The following BRIP1 variants were observed in gnomAD, a reference collection of about 807,000 sequenced individuals.
The protein encoded by BRIP1 is Fanconi anemia group J protein.
Under a neutral mutation model 119.7 loss-of-function variants are expected in BRIP1, and 88 were observed. The observed-to-expected ratio is 0.74, with a 90% CI of 0.62 to 0.88. The LOEUF (loss-of-function observed/expected upper bound fraction) is 0.88, where lower values mean the gene tolerates loss of function less well. Ranked by LOEUF, BRIP1 falls within the 40% of genes least tolerant of loss-of-function variation. BRIP1 has a pLI of 0.00. For synonymous variants in BRIP1, 443 were observed against 496.5 expected, an observed-to-expected ratio of 0.89 and a Z score of 1.43; for missense variants, 1,259 against 1,455.4, an observed-to-expected ratio of 0.87 and a Z score of 2.20.
Position 61,684,291 on chromosome 17 carries a change from G to T in BRIP1, c.2906-151C>A. The T allele has an allele frequency of 1.1e-6, 1 of 905,016 alleles. No homozygotes were observed. The highest frequency in any genetic ancestry group is 1.6e-6 in the Non-Finnish European group (1 of 616,278). 56.1% of individuals were successfully genotyped at this position (905,016 alleles called of 1,614,324 possible). On this transcript the variant is annotated intron_variant, in intron 19 of 19. Transcript: ENST00000259008. This position sits in a 1 kb window ranked among gnomAD's most constrained non-coding sequence, Gnocchi z 4.5. ...CGAATACTAGTGGATTTTCATCTTGGAACAGAATATTAACTCTGAAAGAAA... is the reference window on the plus strand; with the variant it reads ...CGAATACTAGTGGATTTTCATCTTGTAACAGAATATTAACTCTGAAAGAAA...
At position 61,859,899 on chromosome 17, in the gene BRIP1, T is replaced by C; in HGVS notation, c.102A>G (p.Arg34=). 6.2e-7 allele frequency: 1 copy of C among 1,606,106 alleles called. No individual in the cohort carries two copies. Among genetic ancestry groups the C allele is most frequent in the Non-Finnish European group, 8.5e-7 (1 of 1,172,782 alleles). Residue 34 remains arginine (R), a synonymous_variant, in exon 3 of 20, where the codon AGA becomes AGG. Transcript: ENST00000259008. The stretch of plus-strand genomic sequence containing the variant: ...AACAATGTTGCTTGCTGTTTAATCC[T>C]CTGAGAATCTATGAACACAGAAACC... ...SQLAMMNSIL[R]GLNSKQHCLL...
chr17:61,801,691 A>G (rs2077998234), intron 7 of BRIP1, among the ~76,000 whole-genome samples: 1 of 152,242 alleles, frequency 6.6e-6, no homozygotes, highest in Non-Finnish European at 1.5e-5. Flanking sequence ...ATAGAAGTCC[A>G]AATCGGAAGA....
At position 61,805,508 on chromosome 17, in the gene BRIP1, T is replaced by C. The variant is rs2078061415; in HGVS notation, c.918+2959A>G. ...GTTTCTAGTGTAACCAAAATAGCAATGGATGAGGAATCAGAAAATTTGGGT... is the reference window on the plus strand; with the variant it reads ...GTTTCTAGTGTAACCAAAATAGCAACGGATGAGGAATCAGAAAATTTGGGT... On this transcript the variant is annotated intron_variant, in intron 7 of 19. Coordinates refer to ENST00000259008, the MANE Select transcript of BRIP1 (RefSeq NM_032043.3). This position sits in a 1 kb window ranked among gnomAD's most constrained non-coding sequence, Gnocchi z 5.6. Among the ~76,000 whole-genome samples, 1 of 152,196 alleles carries C rather than the reference T, an allele frequency of 6.6e-6. No homozygotes were observed. The highest frequency in any genetic ancestry group is 1.5e-5 in the Non-Finnish European group (1 of 68,032).
rs2061385040 is a variant in BRIP1 at position 61,687,949 on chromosome 17, C to A, written c.2576-1784G>T. ...CATGAGCTGGCATACCCTACATGCC[C>A]AGGGGCCACTAAGAACAAAAGCGCT... On this transcript the variant is annotated intron_variant, in intron 18 of 19. Transcript: ENST00000259008. This position sits in a 1 kb window ranked among gnomAD's most constrained non-coding sequence, Gnocchi z 5.1. 6.6e-6 allele frequency among the ~76,000 whole-genome samples: 1 copy of A among 152,196 alleles called. No homozygotes were observed. Among genetic ancestry groups the A allele is most frequent in the Non-Finnish European group, 1.5e-5 (1 of 68,038 alleles).
In BRIP1 at chr17:61,686,036, A is replaced by G. The variant is rs1060501781; in HGVS notation, c.2705T>C (p.Ile902Thr). The part of the protein sequence containing the change: ...LNVSIKDRTN[I>T]QDNESTLEVT... The stretch of plus-strand genomic sequence containing the variant: ...TTCAAGTGTAGACTCATTGTCCTGT[A>G]TATTGGTTCTGTCCTTTATGGATAC... Residue 902 changes from isoleucine (I) to threonine (T), a missense_variant, in exon 19 of 20, where the codon ATA becomes ACA. Physicochemically the swap from Ile to Thr is moderately conservative, Grantham distance 89. Around this residue, in one of 3 missense-constraint regions of BRIP1, gnomAD observed 753 missense variants for 891.8 expected, o/e 0.84. Transcript: ENST00000259008. This position sits in a 1 kb window ranked among gnomAD's most constrained non-coding sequence, Gnocchi z 5.4. The G allele has an allele frequency of 1.2e-5, 19 of 1,613,820 alleles. No homozygotes were observed. Among genetic ancestry groups the G allele is most frequent in the Non-Finnish European group, 1.4e-5 (17 of 1,179,926 alleles).
rs2078511260 is a variant in BRIP1 at position 61,832,670 on chromosome 17, TGAA to T, written c.627+14428_627+14430del. ...AAAATCATGACAGTCAAGGAAAGAC[TGAA>T]GAAGTGTTCCAGACTGAAGAAGTTA... On this transcript the variant is annotated intron_variant, in intron 6 of 19. Transcript: ENST00000259008. This position sits in a 1 kb window ranked among gnomAD's most constrained non-coding sequence, Gnocchi z 5.5. Among the ~76,000 whole-genome samples the T allele has an allele frequency of 6.6e-6, 1 of 151,680 alleles. No homozygotes were observed. Among genetic ancestry groups the T allele is most frequent in the Non-Finnish European group, 1.5e-5 (1 of 68,026 alleles).
At chr17:61,715,904 T>A in intron 17 of BRIP1, 47 bp downstream of exon 17, 1 of 1,237,064 alleles carries the variant, frequency 8.1e-7, no homozygotes, top group Non-Finnish European at 1.2e-6. Flanking sequence ...GATTTATATA[T>A]ATAGCCCTGT....
At position 61,726,760 on chromosome 17, in the gene BRIP1, T is replaced by G. The variant is rs2144524038; in HGVS notation, c.2380-10697A>C. 6.6e-6 allele frequency among the ~76,000 whole-genome samples: 1 copy of G among 152,340 alleles called. No individual in the cohort carries two copies. The highest frequency in any genetic ancestry group is 2.1e-4 in the South Asian group (1 of 4,824). The stretch of plus-strand genomic sequence containing the variant: ...TAGCTAACATTAGCACTCTTTAATA[T>G]CCTCCATAATACTTTTTGGTCACTT... On this transcript the variant is annotated intron_variant, in intron 16 of 19. Transcript: ENST00000259008. This position sits in a 1 kb window ranked among gnomAD's most constrained non-coding sequence, Gnocchi z 6.2.
At position 61,851,249 on chromosome 17, in the gene BRIP1, T is replaced by C. The variant is rs1168121441; in HGVS notation, c.380-1993A>G. Among the ~76,000 whole-genome samples, 1 of 151,892 alleles carries C rather than the reference T, an allele frequency of 6.6e-6. No individual in the cohort carries two copies. Among genetic ancestry groups the C allele is most frequent in the Admixed American group, 6.6e-5 (1 of 15,230 alleles). ...TCTCAAAAAAAGAAAAAAAAAGAAA[T>C]GTTGCTTAAAATTTCCAAAATAGGG... On this transcript the variant is annotated intron_variant, in intron 4 of 19. Coordinates refer to ENST00000259008, the MANE Select transcript of BRIP1 (RefSeq NM_032043.3). The surrounding 1 kb of genome is among the most constrained non-coding windows in gnomAD (Gnocchi z 4.6).
Position 61,770,914 on chromosome 17 carries a change from G to T in BRIP1, c.2097+5487C>A, listed in dbSNP as rs1440145927. ...GAAAACAAACAGCAAAGTGGCATTT[G>T]TAAACACTACCTTAGCACTAATTAC... On this transcript the variant is annotated intron_variant, in intron 14 of 19. Transcript: ENST00000259008. The surrounding 1 kb of genome is among the most constrained non-coding windows in gnomAD (Gnocchi z 4.7). 2.0e-5 allele frequency among the ~76,000 whole-genome samples: 3 copies of T among 152,124 alleles called. No individual in the cohort carries two copies. Among genetic ancestry groups the T allele is most frequent in the Non-Finnish European group, 4.4e-5 (3 of 67,994 alleles).
In BRIP1 at chr17:61,752,978, C is replaced by A. The variant is rs1232103725; in HGVS notation, c.2098-8387G>T. Among the ~76,000 whole-genome samples, 1 of 152,108 alleles carries A rather than the reference C, an allele frequency of 6.6e-6. No homozygotes were observed. Among genetic ancestry groups the A allele is most frequent in the African/African-American group, 2.4e-5 (1 of 41,420 alleles). On this transcript the variant is annotated intron_variant, in intron 14 of 19. Transcript: ENST00000259008. The surrounding 1 kb of genome is among the most constrained non-coding windows in gnomAD (Gnocchi z 6.2). ...TGTTGAAATTTAATCTCTAATGTGG[C>A]AGCATTGAGAGGTGGGGGATTTTAA...
rs1409972950 is a variant in BRIP1 at position 61,752,875 on chromosome 17, A to G, written c.2098-8284T>C. On this transcript the variant is annotated intron_variant, in intron 14 of 19. Transcript: ENST00000259008. This position sits in a 1 kb window ranked among gnomAD's most constrained non-coding sequence, Gnocchi z 6.2. Reference sequence around the variant, plus strand: ...ACAGGGAAGGGAGAAAAAGGTTCACAGGTGCTCTGTAGGTATATGATTAGC... The same window carrying G: ...ACAGGGAAGGGAGAAAAAGGTTCACGGGTGCTCTGTAGGTATATGATTAGC... 6.6e-6 allele frequency among the ~76,000 whole-genome samples: 1 copy of G among 152,210 alleles called. No individual in the cohort carries two copies. The highest frequency in any genetic ancestry group is 6.5e-5 in the Admixed American group (1 of 15,268).
rs1036748999 is a variant in BRIP1 at position 61,743,675 on chromosome 17, T to TTTTTA, written c.2258-546_2258-542dup. ...TACTACTATCCCTTCACATCAAACT[T>TTTTTA]TTTTATTTTATTTTATTATTTTTTG... On this transcript the variant is annotated intron_variant, in intron 15 of 19. Transcript: ENST00000259008. The surrounding 1 kb of genome is among the most constrained non-coding windows in gnomAD (Gnocchi z 4.3). 2.6e-5 allele frequency among the ~76,000 whole-genome samples: 4 copies of TTTTTA among 152,096 alleles called. No individual in the cohort carries two copies. The highest frequency in any genetic ancestry group is 6.6e-5 in the Admixed American group (1 of 15,264).
At chr17:61,688,473 C>G (rs1011486603) in intron 18 of BRIP1, among the ~76,000 whole-genome samples, 1 of 151,924 alleles carries the variant, frequency 6.6e-6, no homozygotes, top group Middle Eastern at 3.4e-3. Context: ...AGAGTGAGAC[C>G]TTGACCAAAA....
chr17:61,679,147 A>T lies in BRIP1; in HGVS notation c.*4149T>A, dbSNP rs958202517. On this transcript the variant is annotated 3_prime_UTR_variant, in exon 20 of 20. Transcript: ENST00000259008. The surrounding 1 kb of genome is among the most constrained non-coding windows in gnomAD (Gnocchi z 4.4). ...AGCCCTAAAGAATTAAATATTTTAA[A>T]TGCGTTTTAATATAGGAAAGTAATA... Among the ~76,000 whole-genome samples the T allele has an allele frequency of 2.0e-5, 3 of 152,208 alleles. No individual in the cohort carries two copies. The highest frequency in any genetic ancestry group is 4.4e-5 in the Non-Finnish European group (3 of 68,010).
chr17:61,740,710 T>G lies in BRIP1; in HGVS notation c.2379+2303A>C, dbSNP rs1026992918. ...TTACACTATACTGCAGTCTATTAAG[T>G]GGGCAACAGCATTATGTCTCAAAAG... On this transcript the variant is annotated intron_variant, in intron 16 of 19. Transcript: ENST00000259008. The surrounding 1 kb of genome is among the most constrained non-coding windows in gnomAD (Gnocchi z 5.4). 1.3e-5 allele frequency among the ~76,000 whole-genome samples: 2 copies of G among 152,216 alleles called. No individual in the cohort carries two copies. Among genetic ancestry groups the G allele is most frequent in the Non-Finnish European group, 2.9e-5 (2 of 68,036 alleles).
At position 61,683,171 on chromosome 17, in the gene BRIP1, A is replaced by G; in HGVS notation, c.*125T>C. 1 of 1,178,204 alleles carries G rather than the reference A, an allele frequency of 8.5e-7. No individual in the cohort carries two copies. Among genetic ancestry groups the G allele is most frequent in the Non-Finnish European group, 1.2e-6 (1 of 834,290 alleles). The allele number at this position is 1,178,204 out of a possible 1,614,324, so 73.0% of individuals were successfully genotyped here. On this transcript the variant is annotated 3_prime_UTR_variant, in exon 20 of 20. Coordinates refer to ENST00000259008, the MANE Select transcript of BRIP1 (RefSeq NM_032043.3). This position sits in a 1 kb window ranked among gnomAD's most constrained non-coding sequence, Gnocchi z 4.7. Reference sequence around the variant, plus strand: ...AAAACTCAAGAATAATAACATTTACATTTCTGAACATAAAATAGTTTTTTA... The same window carrying G: ...AAAACTCAAGAATAATAACATTTACGTTTCTGAACATAAAATAGTTTTTTA...
chr17:61,698,913 C>T (rs553075920), intron 17 of BRIP1, among the ~76,000 whole-genome samples: 1 of 152,112 alleles, frequency 6.6e-6, no homozygotes, highest in South Asian at 2.1e-4. Flanking sequence ...GACAGGGTTT[C>T]ATCATGTTAC....
rs2077414222 is a variant in BRIP1 at position 61,769,273 on chromosome 17, T to C, written c.2097+7128A>G. Among the ~76,000 whole-genome samples, 2 of 152,184 alleles carry C rather than the reference T, an allele frequency of 1.3e-5. No homozygotes were observed. Among genetic ancestry groups the C allele is most frequent in the Middle Eastern group, 3.2e-3 (1 of 316 alleles). Reference sequence around the variant, plus strand: ...CAGAAAGAGTAAGATGATAAATGTGTACTGTTTTACGGTGCTAATTTTGTG... The same window carrying C: ...CAGAAAGAGTAAGATGATAAATGTGCACTGTTTTACGGTGCTAATTTTGTG... On this transcript the variant is annotated intron_variant, in intron 14 of 19. Transcript: ENST00000259008. This position sits in a 1 kb window ranked among gnomAD's most constrained non-coding sequence, Gnocchi z 4.9.
Sources: allele counts gnomAD v4.1 joint callset (sites outside exome capture counted in the v4.1 genomes callset), GRCh38; gene constraint gnomAD v4.1.1; regional missense constraint gnomAD v4.1.1; non-coding constraint Gnocchi (gnomAD v3.1); transcripts MANE v1.5; gene names NCBI Gene and HGNC (gene_info 2026-07-23, HGNC 2026-07-21).